TC2N: variants seen among roughly 807,000 people sequenced by gnomAD.
TC2N encodes the protein tandem C2 domains, nuclear.
TC2N carries 51 observed loss-of-function variants against 61.9 expected under a neutral mutation model. The ratio of observed to expected loss-of-function variants is 0.82; its 90% CI spans 0.66 to 1.04. The LOEUF is 1.04. TC2N is among the 50% of genes least tolerant of loss of function. TC2N has a pLI of 0.00. For missense variants in TC2N, 556 were observed against 566.7 expected, an observed-to-expected ratio of 0.98 and a Z score of 0.19; for synonymous variants, 204 against 192.6, an observed-to-expected ratio of 1.06 and a Z score of -0.49.
In TC2N at chr14:91,837,849, T is replaced by G. The variant is rs1888077181; in HGVS notation, c.-56-24024A>C. Among the ~76,000 whole-genome samples the G allele has an allele frequency of 6.6e-6, 1 of 152,248 alleles. No homozygotes were observed. The highest frequency in any genetic ancestry group is 1.5e-5 in the Non-Finnish European group (1 of 68,034). On this transcript the variant is annotated intron_variant, in intron 1 of 11. Transcript: ENST00000435962. This position sits in a 1 kb window ranked among gnomAD's most constrained non-coding sequence, Gnocchi z 4.2. ...GCCTGTTTCCAATCTTGGGCATTAGTGTTTCAACAAACACTTTGAAAACCA... is the reference window on the plus strand; with the variant it reads ...GCCTGTTTCCAATCTTGGGCATTAGGGTTTCAACAAACACTTTGAAAACCA...
At chr14:91,811,463 T>C (rs918801238) in intron 3 of TC2N, among the ~76,000 whole-genome samples, 4 of 151,974 alleles carry the variant, frequency 2.6e-5, no homozygotes, top group African/African-American at 4.8e-5. Context: ...ATACAAATTG[T>C]TTTTTAAAAA....
intron 2 of TC2N, among the ~76,000 whole-genome samples, chr14:91,813,395 C>T (rs1349440824): frequency 1.3e-5 from 2 of 151,782 alleles, no homozygotes; most frequent in Admixed American, 1.3e-4. Flanking sequence ...ATTTCATCCA[C>T]CTGTAATGCC....
intron 1 of TC2N, among the ~76,000 whole-genome samples, chr14:91,827,287 C>A (rs1212927880): frequency 1.3e-5 from 2 of 152,168 alleles, no homozygotes; most frequent in South Asian, 4.1e-4. Flanking sequence ...AACTTACTAT[C>A]TTACAGTTCT....
intron 1 of TC2N, among the ~76,000 whole-genome samples, chr14:91,839,046 C>T (rs1888117929): frequency 6.6e-6 from 1 of 152,110 alleles, no homozygotes; most frequent in Admixed American, 6.5e-5. Context: ...ATATGGATAA[C>T]GTGGCTGCTT....
intron 1 of TC2N, among the ~76,000 whole-genome samples, chr14:91,820,565 ACT>A (rs1422811959): frequency 6.6e-6 from 1 of 151,764 alleles, no homozygotes; most frequent in African/African-American, 2.4e-5. Flanking sequence ...AAAGATTTCT[ACT>A]CTCTCTACCT....
At chr14:91,816,893 G>T (rs1244267343) in intron 1 of TC2N, among the ~76,000 whole-genome samples, 3 of 151,732 alleles carry the variant, frequency 2.0e-5, no homozygotes, top group African/African-American at 7.3e-5. Context: ...CTGTACCAAT[G>T]GTATATCATT....
intron 1 of TC2N, among the ~76,000 whole-genome samples, chr14:91,846,392 C>T (rs1888271016): frequency 6.6e-6 from 1 of 152,074 alleles, no homozygotes; most frequent in Admixed American, 6.6e-5. Context: ...AATCTCTTCC[C>T]TTGTCCACCG....
chr14:91,859,700 C>T (rs971948634), intron 1 of TC2N, among the ~76,000 whole-genome samples: 16 of 152,182 alleles, frequency 1.1e-4, no homozygotes, highest in Admixed American at 8.5e-4. Flanking sequence ...GCTTGGTGGG[C>T]TGCACAGACC....
At chr14:91,865,269 T>C (rs1888673157) in intron 1 of TC2N, among the ~76,000 whole-genome samples, 1 of 151,864 alleles carries the variant, frequency 6.6e-6, no homozygotes, top group East Asian at 1.9e-4. Context: ...TTAAGAACCA[T>C]TAGTAAGTCA....
intron 3 of TC2N, among the ~76,000 whole-genome samples, chr14:91,807,211 C>A (rs1886549892): frequency 6.6e-6 from 1 of 152,208 alleles, no homozygotes; most frequent in African/African-American, 2.4e-5. Context: ...AGAACCTCTG[C>A]TAGGGCAGTA....
intron 3 of TC2N, among the ~76,000 whole-genome samples, chr14:91,807,775 C>A (rs1886581587): frequency 6.6e-6 from 1 of 152,050 alleles, no homozygotes; most frequent in Admixed American, 6.6e-5. Context: ...GTTGGGAAGG[C>A]ATAATTGGTT....
chr14:91,785,084 A>G, intron 11 of TC2N, 78 bp downstream of exon 11: 3 of 979,192 alleles, frequency 3.1e-6, no homozygotes, highest in Non-Finnish European at 4.7e-6. Context: ...TGACTTTAAT[A>G]TTATCCTGTA....
At chr14:91,844,760 C>CA (rs34223127) in intron 1 of TC2N, among the ~76,000 whole-genome samples, 1,933 of 92,360 alleles carry the variant, frequency 0.021, 178 homozygotes, top group African/African-American at 0.034. Context: ...GACTCTGTCT[C>CA]AAAAAAAAAA....
At chr14:91,850,896 A>G (rs1338213479) in intron 1 of TC2N, among the ~76,000 whole-genome samples, 5 of 152,088 alleles carry the variant, frequency 3.3e-5, no homozygotes, top group African/African-American at 1.2e-4. Context: ...GCACCACTGC[A>G]CTCCAGCCTG....
chr14:91,803,318 T>G (rs1886347649), intron 3 of TC2N, among the ~76,000 whole-genome samples: 2 of 151,580 alleles, frequency 1.3e-5, no homozygotes, highest in South Asian at 4.2e-4. Context: ...TTTCATGACC[T>G]TAGGACAGGG....
At chr14:91,853,681 C>T (rs1418693379) in intron 1 of TC2N, among the ~76,000 whole-genome samples, 3 of 148,174 alleles carry the variant, frequency 2.0e-5, no homozygotes, top group African/African-American at 7.5e-5. Flanking sequence ...CACACACACA[C>T]ACACACACAA....
At chr14:91,825,118 C>T (rs970431162) in intron 1 of TC2N, among the ~76,000 whole-genome samples, 11 of 140,262 alleles carry the variant, frequency 7.8e-5, no homozygotes, top group African/African-American at 2.8e-4. Flanking sequence ...TCACTGCAAC[C>T]TCCGCCTCCG....
At chr14:91,859,078 CG>C (rs569245255) in intron 1 of TC2N, among the ~76,000 whole-genome samples, 1,815 of 152,200 alleles carry the variant, frequency 0.012, 21 homozygotes, top group Non-Finnish European at 0.016. Flanking sequence ...AGCTTCTCAC[CG>C]CAAGGGGTCA....
At chr14:91,862,277 T>C (rs553142869) in intron 1 of TC2N, among the ~76,000 whole-genome samples, 72 of 148,776 alleles carry the variant, frequency 4.8e-4, no homozygotes, top group Middle Eastern at 3.4e-3. Context: ...GAGATGGAGG[T>C]TGCAGTGAGC....
Sources: gnomAD v4.1 joint callset for allele counts (sites outside exome capture counted in the v4.1 genomes callset) on GRCh38, gnomAD v4.1.1 for gene constraint, Gnocchi (gnomAD v3.1) non-coding constraint, MANE v1.5 for transcripts, NCBI Gene and HGNC (gene_info 2026-07-23, HGNC 2026-07-21) for gene names.